The following RCAN2 variants were observed in gnomAD, a reference collection of about 807,000 sequenced individuals.
RCAN2 encodes the protein regulator of calcineurin 2.
A neutral mutation model predicts 23.6 loss-of-function variants in RCAN2; 9 were observed. That is an observed-to-expected ratio of 0.38 (90% confidence interval 0.23 to 0.67). The LOEUF (loss-of-function observed/expected upper bound fraction) is 0.67, where lower values mean the gene tolerates loss of function less well. RCAN2 is among the 30% of genes least tolerant of loss of function. RCAN2 has a pLI of 0.51. For synonymous variants in RCAN2, 109 were observed against 115.7 expected (o/e 0.94, Z 0.37); for missense variants, 273 against 302.3 (o/e 0.90, Z 0.72).
chr6:46,345,233 C>T (rs574580759), intron 2 of RCAN2, among the ~76,000 whole-genome samples: 8 of 151,832 alleles, frequency 5.3e-5, no homozygotes, highest in East Asian at 1.9e-4. Flanking sequence ...CACTTAATAA[C>T]GAGTATTCAA....
upstream of RCAN2, among the ~76,000 whole-genome samples, chr6:46,491,619 A>C (rs1357583670): frequency 1.3e-5 from 2 of 150,236 alleles, no homozygotes; most frequent in South Asian, 2.1e-4. Context: ...TCCCCTACCC[A>C]CCGCACCTCC....
intron 1 of RCAN2, among the ~76,000 whole-genome samples, chr6:46,490,038 C>T (rs1484545208): frequency 6.6e-6 from 1 of 152,094 alleles, no homozygotes; most frequent in Non-Finnish European, 1.5e-5. Context: ...ATGCAGAGGC[C>T]GGTTAGCAAG....
intron 2 of RCAN2, among the ~76,000 whole-genome samples, chr6:46,317,194 T>C (rs1483911673): frequency 1.3e-5 from 2 of 152,128 alleles, no homozygotes; most frequent in Non-Finnish European, 2.9e-5. Context: ...CTTTTCTTTT[T>C]CCCAAACTAG....
rs1266421872 is a variant in RCAN2 at position 46,243,822 on chromosome 6, AAAAAAAAAAAC to A, written c.571+2915_571+2925del. On this transcript the variant is annotated intron_variant, in intron 4 of 4. Coordinates refer to ENST00000371374, the MANE Select transcript of RCAN2 (RefSeq NM_001251974.2). Reference sequence around the variant, plus strand: ...AAGATTCTGTCTCAAAAAAAAAAAAAAAAAAAAAAACCAAGAAATAATTCTTGATTCAGGGT... The same window carrying A: ...AAGATTCTGTCTCAAAAAAAAAAAAACAAGAAATAATTCTTGATTCAGGGT... Among the ~76,000 whole-genome samples the A allele has an allele frequency of 1.6e-3, 242 of 150,964 alleles. 3 individuals are homozygous for A. Among genetic ancestry groups the A allele is most frequent in the African/African-American group, 5.0e-3 (208 of 41,224 alleles).
At chr6:46,257,042 C>T (rs940192474) in intron 2 of RCAN2, among the ~76,000 whole-genome samples, 2 of 152,082 alleles carry the variant, frequency 1.3e-5, no homozygotes, top group African/African-American at 4.8e-5. Flanking sequence ...TATTGTTATG[C>T]GGAGAGCACT....
chr6:46,224,862 A>G (rs949435639), intron 4 of RCAN2, among the ~76,000 whole-genome samples: 1 of 151,954 alleles, frequency 6.6e-6, no homozygotes, highest in Admixed American at 6.6e-5. Flanking sequence ...ATATGTATAC[A>G]TGTGCCATGT....
intron 2 of RCAN2, among the ~76,000 whole-genome samples, chr6:46,436,076 T>C (rs1301162923): frequency 6.6e-6 from 1 of 152,228 alleles, no homozygotes; most frequent in Non-Finnish European, 1.5e-5. Context: ...TTTCAGAAGG[T>C]ACTCATCTGG....
intron 2 of RCAN2, among the ~76,000 whole-genome samples, chr6:46,429,237 A>T (rs1029316511): frequency 6.6e-6 from 1 of 152,200 alleles, no homozygotes; most frequent in African/African-American, 2.4e-5. Flanking sequence ...CTAGATATAA[A>T]TGAATAGAAT....
At chr6:46,310,772 C>T (rs1208588125) in intron 2 of RCAN2, among the ~76,000 whole-genome samples, 1 of 152,118 alleles carries the variant, frequency 6.6e-6, no homozygotes, top group Non-Finnish European at 1.5e-5. Context: ...CTTAGAAAGA[C>T]CTGATGGATT....
chr6:46,447,484 A>G (rs1767750007), intron 2 of RCAN2, among the ~76,000 whole-genome samples: 1 of 151,972 alleles, frequency 6.6e-6, no homozygotes, highest in Non-Finnish European at 1.5e-5. Flanking sequence ...ACTGCACATT[A>G]GACCAAATAA....
chr6:46,453,865 G>A (rs1767949701), intron 2 of RCAN2, among the ~76,000 whole-genome samples: 1 of 152,138 alleles, frequency 6.6e-6, no homozygotes. Flanking sequence ...GAAGCAGGCT[G>A]TGCCAAAAAA....
chr6:46,353,509 G>T (rs1349872307), intron 2 of RCAN2, among the ~76,000 whole-genome samples: 1 of 152,148 alleles, frequency 6.6e-6, no homozygotes, highest in Non-Finnish European at 1.5e-5. Context: ...CAGATAAGAA[G>T]AAATCTACTC....
At chr6:46,241,596 T>C (rs1457496118) in intron 4 of RCAN2, among the ~76,000 whole-genome samples, 1 of 152,246 alleles carries the variant, frequency 6.6e-6, no homozygotes, top group Non-Finnish European at 1.5e-5. Context: ...AGTTGTTTTG[T>C]ATTCTTAAAT....
intron 2 of RCAN2, among the ~76,000 whole-genome samples, chr6:46,411,634 T>C (rs1441925707): frequency 1.3e-5 from 2 of 152,042 alleles, no homozygotes; most frequent in Non-Finnish European, 2.9e-5. Context: ...TAAGATCAGA[T>C]GTTTTATCAG....
intron 2 of RCAN2, among the ~76,000 whole-genome samples, chr6:46,367,721 T>C (rs2086041912): frequency 6.6e-6 from 1 of 152,230 alleles, no homozygotes; most frequent in Admixed American, 6.5e-5. Flanking sequence ...GAAACACATA[T>C]AATCTCAGAT....
chr6:46,262,455 T>C (rs1166026674), intron 2 of RCAN2, among the ~76,000 whole-genome samples: 1 of 152,118 alleles, frequency 6.6e-6, no homozygotes, highest in Admixed American at 6.6e-5. Context: ...GAGAGGTCTT[T>C]CTAAAAGAGA....
intron 2 of RCAN2, among the ~76,000 whole-genome samples, chr6:46,263,305 CAAAATA>C (rs1169652438): frequency 6.6e-6 from 1 of 152,078 alleles, no homozygotes; most frequent in Non-Finnish European, 1.5e-5. Context: ...ACAGGGATGC[CAAAATA>C]AAAATTATAC....
At chr6:46,225,400 C>A (rs1385954877) in intron 4 of RCAN2, among the ~76,000 whole-genome samples, 1 of 152,228 alleles carries the variant, frequency 6.6e-6, no homozygotes, top group Non-Finnish European at 1.5e-5. Flanking sequence ...GTCCCACCAA[C>A]AGTGTAAAAG....
At chr6:46,325,692 T>A (rs1582106690) in intron 2 of RCAN2, 1 of 1,365,088 alleles carries the variant, frequency 7.3e-7, no homozygotes, top group East Asian at 2.8e-5. Context: ...GGCTCGCTCA[T>A]GGCAATGACA....
Sources: allele counts gnomAD v4.1 joint callset (sites outside exome capture counted in the v4.1 genomes callset), GRCh38; gene constraint gnomAD v4.1.1; transcripts MANE v1.5; gene names NCBI Gene and HGNC (gene_info 2026-07-23, HGNC 2026-07-21).